The following PNKD variants were observed in gnomAD, a reference collection of about 807,000 sequenced individuals.
The protein encoded by PNKD is PNKD metallo-beta-lactamase domain containing.
In PNKD, 36 loss-of-function variants were observed where a neutral mutation model predicts 45.3. The ratio of observed to expected loss-of-function variants is 0.80; its 90% CI spans 0.61 to 1.05. The LOEUF is 1.05. Among genes scored for constraint, PNKD ranks in the 50% least tolerant of loss-of-function variants. The pLI is 0.00. For missense variants in PNKD, 511 were observed against 506.6 expected (o/e 1.01, Z -0.08); for synonymous variants, 197 against 210.1 (o/e 0.94, Z 0.54).
intron 2 of PNKD, chr2:218,279,363 G>C: frequency 6.4e-7 from 1 of 1,560,626 alleles, no homozygotes; most frequent in Non-Finnish European, 8.7e-7. Flanking sequence ...CCTGGACACA[G>C]ACGGCCGGGC....
chr2:218,272,751 G>A (rs1195274465), intron 2 of PNKD: 1 of 1,613,938 alleles, frequency 6.2e-7, no homozygotes, highest in Non-Finnish European at 8.5e-7. Flanking sequence ...TGGGTCTGGG[G>A]TGCAGACCTG....
intron 2 of PNKD, among the ~76,000 whole-genome samples, chr2:218,308,646 G>T (rs1345017246): frequency 6.6e-6 from 1 of 150,992 alleles, no homozygotes; most frequent in Non-Finnish European, 1.5e-5. Flanking sequence ...GAGTGCAATA[G>T]CATAATCTCG....
chr2:218,328,804 T>G (rs571412240), intron 2 of PNKD, among the ~76,000 whole-genome samples: 2 of 152,350 alleles, frequency 1.3e-5, no homozygotes, highest in Admixed American at 1.3e-4. Context: ...AACCTCTGTC[T>G]CCAGACCGCC....
chr2:218,345,186 C>G lies in PNKD; in HGVS notation c.*205C>G, dbSNP rs1694798875. On this transcript the variant is annotated 3_prime_UTR_variant, in exon 10 of 10. Coordinates refer to ENST00000273077, the MANE Select transcript of PNKD (RefSeq NM_015488.5). Reference sequence around the variant, plus strand: ...GGGGGCCTGTTGGAGGCTGGGAACCCCGCAGCGCGAGGCTGCCTCATCAAC... The same window carrying G: ...GGGGGCCTGTTGGAGGCTGGGAACCGCGCAGCGCGAGGCTGCCTCATCAAC... 1 of 589,982 alleles carries G rather than the reference C, an allele frequency of 1.7e-6. No individual in the cohort carries two copies. Among genetic ancestry groups the G allele is most frequent in the Non-Finnish European group, 3.0e-6 (1 of 333,174 alleles). The allele number at this position is 589,982 out of a possible 1,614,324, so 36.5% of individuals were successfully genotyped here.
chr2:218,322,624 A>G (rs1694017940), intron 2 of PNKD, among the ~76,000 whole-genome samples: 1 of 152,082 alleles, frequency 6.6e-6, no homozygotes, highest in Non-Finnish European at 1.5e-5. Flanking sequence ...TGTGCTCCAT[A>G]TCATTGCCCC....
chr2:218,282,104 C>A (rs767796792), intron 2 of PNKD: 1 of 1,555,380 alleles, frequency 6.4e-7, no homozygotes, highest in Non-Finnish European at 8.7e-7. Flanking sequence ...CAGGGGGTTG[C>A]GGTCTTCATA....
At chr2:218,297,103 C>T (rs375559874) in intron 2 of PNKD, among the ~76,000 whole-genome samples, 1 of 152,194 alleles carries the variant, frequency 6.6e-6, no homozygotes, top group Non-Finnish European at 1.5e-5. Context: ...GGCCTGGGCA[C>T]GGCCCTGACC....
intron 2 of PNKD, chr2:218,323,433 T>TTAG: frequency 6.4e-7 from 1 of 1,557,096 alleles, no homozygotes; most frequent in Non-Finnish European, 8.6e-7. Context: ...CCGAATCGGG[T>TTAG]TAGTGCCCGG....
intron 2 of PNKD, among the ~76,000 whole-genome samples, chr2:218,276,253 C>G (rs191778483): frequency 9.9e-5 from 15 of 152,268 alleles, no homozygotes; most frequent in Non-Finnish European, 1.9e-4. Context: ...GGTGATATAT[C>G]CAGCAGAGAA....
At chr2:218,295,172 T>G (rs896528429) in intron 2 of PNKD, among the ~76,000 whole-genome samples, 1 of 152,350 alleles carries the variant, frequency 6.6e-6, no homozygotes, top group Non-Finnish European at 1.5e-5. Flanking sequence ...AGAGCAGCAG[T>G]GCTTCGCTGG....
chr2:218,336,729 T>C (rs1444867401), intron 2 of PNKD, among the ~76,000 whole-genome samples: 1 of 148,500 alleles, frequency 6.7e-6, no homozygotes, highest in Non-Finnish European at 1.5e-5. Flanking sequence ...ACTTCTTCCA[T>C]CACCACCTCC....
chr2:218,323,686 C>T (rs1694062098), intron 2 of PNKD, among the ~76,000 whole-genome samples: 1 of 151,710 alleles, frequency 6.6e-6, no homozygotes, highest in African/African-American at 2.4e-5. Flanking sequence ...GGAAGGAGGG[C>T]GTGAGAGGAC....
chr2:218,304,726 G>A (rs544569425), intron 2 of PNKD, among the ~76,000 whole-genome samples: 108 of 152,264 alleles, frequency 7.1e-4, no homozygotes, highest in African/African-American at 2.2e-3. Flanking sequence ...GGGTTTTGTC[G>A]CCTGTGATGG....
At chr2:218,319,523 A>ACAC (rs1309973085) in intron 2 of PNKD, among the ~76,000 whole-genome samples, 1 of 151,356 alleles carries the variant, frequency 6.6e-6, no homozygotes, top group African/African-American at 2.4e-5. Flanking sequence ...TTACAGGCAC[A>ACAC]CACCACCATA....
At chr2:218,323,501 G>A in intron 2 of PNKD, 1 of 1,383,728 alleles carries the variant, frequency 7.2e-7, no homozygotes, top group South Asian at 1.4e-5. Flanking sequence ...CTGGGAGGCG[G>A]GGGCTGGAGC....
At chr2:218,277,086 G>A (rs372371042) in intron 2 of PNKD, 40 of 1,614,014 alleles carry the variant, frequency 2.5e-5, no homozygotes, top group Middle Eastern at 1.6e-4. Context: ...GCCTGTGCAC[G>A]AGGTGAAGTC....
At position 218,341,605 on chromosome 2, in the gene PNKD, AC is replaced by A; in HGVS notation, c.597del (p.Asp199GlufsTer74). ...TGTCGGGTGTACGGGAGCCCTCAGG[AC>A]GGCATCCCCTACCTCACCCAGTAAG... Reference protein sequence around the residue: ...RDCRVYGSPQDGIPYLTHPLC... With the variant: ...RDCRVYGSPQXGIPYLTHPLC... On this transcript the variant is annotated frameshift_variant, in exon 6 of 10. Transcript: ENST00000273077. LOFTEE classifies it high-confidence loss of function. 1 of 1,585,190 alleles carries A rather than the reference AC, an allele frequency of 6.3e-7. No homozygotes were observed.
At position 218,342,068 on chromosome 2, in the gene PNKD, C is replaced by T. The variant is rs762467071; in HGVS notation, c.705C>T (p.Val235=). ...CTGGCCACACACAAGGCCATCTGGT[C>T]TACCTACTGGATGGGGAGCCCTACA... ...ATPGHTQGHL[V]YLLDGEPYKG... Residue 235 remains valine, a synonymous_variant, in exon 7 of 10, where the codon GTC becomes GTT. Coordinates refer to ENST00000273077, the MANE Select transcript of PNKD (RefSeq NM_015488.5). 6.2e-7 allele frequency: 1 copy of T among 1,612,130 alleles called. No homozygotes were observed. Among genetic ancestry groups the T allele is most frequent in the Non-Finnish European group, 8.5e-7 (1 of 1,178,148 alleles).
At chr2:218,277,976 T>A (rs1261213441) in intron 2 of PNKD, 4 of 1,614,136 alleles carry the variant, frequency 2.5e-6, no homozygotes, top group Admixed American at 1.7e-5. Context: ...AAACGGCGTC[T>A]GAAGGGAAAG....
Sources: gnomAD v4.1 joint callset for allele counts (sites outside exome capture counted in the v4.1 genomes callset) on GRCh38, gnomAD v4.1.1 for gene constraint, MANE v1.5 for transcripts, NCBI Gene and HGNC (gene_info 2026-07-23, HGNC 2026-07-21) for gene names.